Variants in PBRM1 observed in about 807,000 individuals in gnomAD.
The protein encoded by PBRM1 is polybromo 1, also known as protein polybromo-1.
Under a neutral mutation model 194.5 loss-of-function variants are expected in PBRM1, and 27 were observed. That is an observed-to-expected ratio of 0.14 (90% CI 0.10 to 0.19). The LOEUF (loss-of-function observed/expected upper bound fraction) is 0.19, where lower values mean the gene tolerates loss of function less well. Among genes scored for constraint, PBRM1 ranks in the 10% least tolerant of loss-of-function variants. PBRM1 has a pLI of 1.00. For synonymous variants in PBRM1, 655 were observed against 693.2 expected (o/e 0.94, Z 0.87); for missense variants, 1,466 against 2,077.2 (o/e 0.71, Z 5.72).
chr3:52,650,385 T>A (rs201520884), intron 6 of PBRM1, among the ~76,000 whole-genome samples: 97 of 119,182 alleles, frequency 8.1e-4, no homozygotes, highest in East Asian at 1.5e-3. Flanking sequence ...AAAAAAACCC[T>A]AAAAAAAAAA....
rs190123641 is a variant in PBRM1 at position 52,665,549 on chromosome 3, C to T, written c.384+2949G>A. ...GCCTGTTTGGAACTGGGCCGCACAG[C>T]AGGAGGTGAGCAGCAGGCAAGACAG... On this transcript the variant is annotated intron_variant, in intron 3 of 29. Coordinates refer to ENST00000296302, the Ensembl canonical transcript of PBRM1. 4.4e-3 allele frequency among the ~76,000 whole-genome samples: 670 copies of T among 152,292 alleles called. 5 individuals are homozygous for T. Among genetic ancestry groups the T allele is most frequent in the African/African-American group, 0.014 (583 of 41,564 alleles).
chr3:52,643,711 C>T (rs933264171), intron 8 of PBRM1, among the ~76,000 whole-genome samples: 2 of 152,202 alleles, frequency 1.3e-5, no homozygotes, highest in African/African-American at 4.8e-5. Flanking sequence ...GTGGCTCACG[C>T]CTGTAATCCC....
chr3:52,593,104 T>C (rs1475814214), intron 17 of PBRM1, among the ~76,000 whole-genome samples: 2 of 152,226 alleles, frequency 1.3e-5, no homozygotes, highest in East Asian at 3.8e-4. Context: ...AACCAACTCC[T>C]AGATTTGTTA....
In PBRM1 at chr3:52,550,626, CA is replaced by C; in HGVS notation, c.4691del (p.Leu1564TrpfsTer32). ...GTGGTGCCTGCTGCCCTGGAGGCCC[CA>C]AAACTCCCACCTGAAAGAGCACAGG... On this transcript the variant is annotated frameshift_variant, in exon 29 of 30. Coordinates refer to ENST00000296302, the Ensembl canonical transcript of PBRM1. LOFTEE classifies it high-confidence loss of function. 6.6e-7 allele frequency: 1 copy of C among 1,522,584 alleles called. No homozygotes were observed. The allele number at this position is 1,522,584 out of a possible 1,614,324, so 94.3% of individuals were successfully genotyped here.
At chr3:52,683,593 C>G (rs953578153), upstream of PBRM1, among the ~76,000 whole-genome samples, 4 of 151,922 alleles carry the variant, frequency 2.6e-5, no homozygotes, top group Admixed American at 1.3e-4. Flanking sequence ...GTGGGCAGAT[C>G]ACCTGAGGTC....
chr3:52,593,006 C>A (rs1424783924), intron 17 of PBRM1, among the ~76,000 whole-genome samples: 1 of 152,058 alleles, frequency 6.6e-6, no homozygotes, highest in Non-Finnish European at 1.5e-5. Flanking sequence ...TGGCAACACC[C>A]GCTTTGTTGT....
At chr3:52,575,602 C>T (rs1385976365) in intron 22 of PBRM1, among the ~76,000 whole-genome samples, 4 of 147,214 alleles carry the variant, frequency 2.7e-5, no homozygotes, top group Non-Finnish European at 4.5e-5. Flanking sequence ...CAGCCTCTGC[C>T]TCTGCCTCTG....
chr3:52,667,688 G>A lies in PBRM1; in HGVS notation c.384+810C>T, dbSNP rs567189037. ...GAATCACTTGAACCTGGGAAGAAGAGGTTGCAGTGAGCTGAGATCGTGCCA... is the reference window on the plus strand; with the variant it reads ...GAATCACTTGAACCTGGGAAGAAGAAGTTGCAGTGAGCTGAGATCGTGCCA... On this transcript the variant is annotated intron_variant, in intron 3 of 29. Transcript: ENST00000296302. Among the ~76,000 whole-genome samples, 29 of 149,360 alleles carry A rather than the reference G, an allele frequency of 1.9e-4. No homozygotes were observed. The South Asian group carries it at 3.8e-3, about 20-fold the overall frequency.
chr3:52,674,053 A>G (rs925797868), intron 2 of PBRM1, among the ~76,000 whole-genome samples: 4 of 147,170 alleles, frequency 2.7e-5, no homozygotes, highest in African/African-American at 4.9e-5. Context: ...ACTGTCTCAA[A>G]AAAAAAATAT....
chr3:52,553,686 C>T (rs555407194), intron 27 of PBRM1, among the ~76,000 whole-genome samples: 5 of 135,716 alleles, frequency 3.7e-5, no homozygotes, highest in East Asian at 2.2e-4. Flanking sequence ...TTTTTTGACA[C>T]GGAGTCTTGC....
intron 9 of PBRM1, among the ~76,000 whole-genome samples, chr3:52,642,533 T>C (rs1262927454): frequency 6.7e-6 from 1 of 149,464 alleles, no homozygotes; most frequent in African/African-American, 2.5e-5. Context: ...GGCGAATCAC[T>C]TGAATCCAGG....
At chr3:52,601,699 G>C (rs994633468) in intron 17 of PBRM1, among the ~76,000 whole-genome samples, 3 of 152,136 alleles carry the variant, frequency 2.0e-5, no homozygotes, top group Admixed American at 6.5e-5. Context: ...ACTGGCACTG[G>C]TGTTAGCAGG....
intron 3 of PBRM1, among the ~76,000 whole-genome samples, chr3:52,662,545 T>C (rs1464616763): frequency 6.6e-6 from 1 of 152,194 alleles, no homozygotes; most frequent in Admixed American, 6.6e-5. Flanking sequence ...AAAGTAATTA[T>C]GACCGGGCAC....
intron 27 of PBRM1, among the ~76,000 whole-genome samples, chr3:52,554,230 C>G (rs1027694653): frequency 6.6e-6 from 1 of 152,152 alleles, no homozygotes; most frequent in Non-Finnish European, 1.5e-5. Context: ...CTCTGCAATC[C>G]CCTTAGAAAG....
chr3:52,604,769 G>A (rs550237864), intron 16 of PBRM1, among the ~76,000 whole-genome samples: 1 of 151,962 alleles, frequency 6.6e-6, no homozygotes, highest in East Asian at 1.9e-4. Context: ...GGGAGGCCAA[G>A]GTGGGCCAAA....
intron 22 of PBRM1, among the ~76,000 whole-genome samples, chr3:52,573,005 G>A (rs1239042989): frequency 6.6e-6 from 1 of 151,992 alleles, no homozygotes; most frequent in Non-Finnish European, 1.5e-5. Context: ...TTTTCTTTTG[G>A]GTTTTATCTC....
At chr3:52,607,696 C>G (rs2094419242) in intron 16 of PBRM1, among the ~76,000 whole-genome samples, 1 of 152,130 alleles carries the variant, frequency 6.6e-6, no homozygotes, top group South Asian at 2.1e-4. Context: ...GTTTGTTTTG[C>G]CCACTGGTGT....
intron 3 of PBRM1, 115 bp downstream of exon 4, chr3:52,668,383 A>T (rs2096881427): frequency 1.5e-6 from 1 of 669,334 alleles, no homozygotes. Flanking sequence ...ACAAATGCGA[A>T]CTCAAGCCAC....
chr3:52,636,233 T>C (rs2095805954), intron 10 of PBRM1, among the ~76,000 whole-genome samples: 1 of 152,150 alleles, frequency 6.6e-6, no homozygotes, highest in Admixed American at 6.6e-5. Context: ...TGCCCACTGA[T>C]TTAAAACATC....
Sources: allele counts gnomAD v4.1 joint callset (sites outside exome capture counted in the v4.1 genomes callset), GRCh38; gene constraint gnomAD v4.1.1; transcripts MANE v1.5; gene names NCBI Gene and HGNC (gene_info 2026-07-23, HGNC 2026-07-21).